The following TMC2 variants were observed in gnomAD, a reference collection of about 807,000 sequenced individuals.
TMC2 encodes the protein transmembrane channel like 2, also known as transmembrane channel-like protein 2.
Under a neutral mutation model 105.9 loss-of-function variants are expected in TMC2, and 102 were observed. That is an observed-to-expected ratio of 0.96 (90% CI 0.82 to 1.14). The LOEUF (loss-of-function observed/expected upper bound fraction) is 1.14, where lower values mean the gene tolerates loss of function less well. TMC2 is among the 50% of genes most tolerant of loss of function. The pLI, the probability that TMC2 is intolerant of heterozygous loss-of-function variation, is 0.00. For synonymous variants in TMC2, 402 were observed against 422.8 expected, an observed-to-expected ratio of 0.95 and a Z score of 0.60; for missense variants, 1,093 against 1,134.3, an observed-to-expected ratio of 0.96 and a Z score of 0.52.
chr20:2,551,057 G>T (rs1474933897), intron 2 of TMC2, among the ~76,000 whole-genome samples: 1 of 152,212 alleles, frequency 6.6e-6, no homozygotes, highest in East Asian at 1.9e-4. Context: ...GTAAGAAACT[G>T]CCATACTGTT....
chr20:2,545,560 G>A (rs1204212749), intron 2 of TMC2, among the ~76,000 whole-genome samples: 2 of 152,076 alleles, frequency 1.3e-5, no homozygotes, highest in Non-Finnish European at 2.9e-5. Flanking sequence ...TACTCCTATG[G>A]GATTGTCAAA....
chr20:2,597,138 G>A lies in TMC2; in HGVS notation c.1077-13G>A. 1 of 1,613,372 alleles carries A rather than the reference G, an allele frequency of 6.2e-7. No individual in the cohort carries two copies. The highest frequency in any genetic ancestry group is 8.5e-7 in the Non-Finnish European group (1 of 1,179,528). On this transcript the variant is annotated splice_polypyrimidine_tract_variant and intron_variant, in intron 9 of 19. Coordinates refer to ENST00000358864, the MANE Select transcript of TMC2 (RefSeq NM_080751.3). Reference sequence around the variant, plus strand: ...AGAGGGCAGACGTCACAACAGTGCTGTGTGCCCTACAGGATGGCCAGCAAT... The same window carrying A: ...AGAGGGCAGACGTCACAACAGTGCTATGTGCCCTACAGGATGGCCAGCAAT...
rs181129006 is a variant in TMC2 at position 2,548,145 on chromosome 20, G to A, written c.83-10311G>A. Among the ~76,000 whole-genome samples, 348 of 152,288 alleles carry A rather than the reference G, an allele frequency of 2.3e-3. 1 individual carries two copies. The highest frequency in any genetic ancestry group is 4.1e-3 in the Non-Finnish European group (282 of 68,030). ...TGTCACACATCAGCATTTTAGACTA[G>A]CAGAGCTCCTGAATGTACACAACAC... On this transcript the variant is annotated intron_variant, in intron 2 of 19. Coordinates refer to ENST00000358864, the MANE Select transcript of TMC2 (RefSeq NM_080751.3).
intron 11 of TMC2, 28 bp from the exon 12 acceptor site, chr20:2,610,391 C>A: frequency 6.3e-7 from 1 of 1,589,656 alleles, no homozygotes; most frequent in Non-Finnish European, 8.6e-7. Context: ...ATGTTGATGA[C>A]ACAACGTAGG....
intron 4 of TMC2, among the ~76,000 whole-genome samples, chr20:2,565,718 T>C (rs1227977813): frequency 1.3e-5 from 2 of 152,160 alleles, no homozygotes; most frequent in Non-Finnish European, 2.9e-5. Flanking sequence ...CTGGCTGACC[T>C]GAGCATGGTT....
At position 2,561,175 on chromosome 20, in the gene TMC2, A is replaced by T. The variant is rs2122832941; in HGVS notation, c.402-683A>T. On this transcript the variant is annotated intron_variant, in intron 3 of 19. Transcript: ENST00000358864. Reference sequence around the variant, plus strand: ...TTTGATTTGACTTTGAAGCCAAAACAGTTCTTCTACAAAAAGACAAACTAC... The same window carrying T: ...TTTGATTTGACTTTGAAGCCAAAACTGTTCTTCTACAAAAAGACAAACTAC... 2.0e-5 allele frequency among the ~76,000 whole-genome samples: 3 copies of T among 152,364 alleles called. No individual in the cohort carries two copies. The South Asian group carries it at 6.2e-4, about 32-fold the overall frequency.
intron 3 of TMC2, 47 bp from the exon 4 acceptor site, chr20:2,561,811 A>G: frequency 1.9e-6 from 3 of 1,588,982 alleles, no homozygotes; most frequent in Non-Finnish European, 2.6e-6. Flanking sequence ...TGAGGACACC[A>G]CCTCCTTTCC....
rs2085856842 is a variant in TMC2 at position 2,537,331 on chromosome 20, TG to T, written c.82+19del. ...TCCACACACAGGTGAGATGGGGTGG[TG>T]GGGTCTCTGGGGAGCCTGCAGTGCC... On this transcript the variant is annotated intron_variant, in intron 2 of 19. Transcript: ENST00000358864. 2 of 1,589,844 alleles carry T rather than the reference TG, an allele frequency of 1.3e-6. No individual in the cohort carries two copies. The highest frequency in any genetic ancestry group is 1.3e-5 in the African/African-American group (1 of 74,518).
intron 17 of TMC2, among the ~76,000 whole-genome samples, chr20:2,630,230 T>A (rs1159083934): frequency 6.6e-6 from 1 of 152,216 alleles, no homozygotes; most frequent in African/African-American, 2.4e-5. Flanking sequence ...CTTTTAGAGT[T>A]GTTCAAGTCT....
At chr20:2,549,070 G>A (rs2085941582) in intron 2 of TMC2, among the ~76,000 whole-genome samples, 1 of 151,934 alleles carries the variant, frequency 6.6e-6, no homozygotes, top group Non-Finnish European at 1.5e-5. Flanking sequence ...TGTGTTTTTT[G>A]GTTTTTTGGT....
intron 16 of TMC2, 143 bp from the exon 17 acceptor site, chr20:2,624,128 G>A: frequency 1.1e-6 from 1 of 934,590 alleles, no homozygotes. Context: ...TTTACTTGCA[G>A]TTCATTTGGA....
chr20:2,595,307 G>A (rs1377617176), intron 9 of TMC2, among the ~76,000 whole-genome samples: 1 of 152,204 alleles, frequency 6.6e-6, no homozygotes, highest in East Asian at 1.9e-4. Context: ...GGCCAGTGTG[G>A]CTTGAGAGGG....
At chr20:2,635,251 C>G (rs980831697) in intron 17 of TMC2, among the ~76,000 whole-genome samples, 1 of 152,162 alleles carries the variant, frequency 6.6e-6, no homozygotes, top group African/African-American at 2.4e-5. Context: ...ACTCTAAAAC[C>G]CATAAGGTCA....
At chr20:2,613,447 A>G in intron 14 of TMC2, 125 bp downstream of exon 14, 1 of 1,372,358 alleles carries the variant, frequency 7.3e-7, no homozygotes, top group Non-Finnish European at 1.0e-6. Context: ...TCTGCTCTGT[A>G]GAGTAGTAAA....
In TMC2 at chr20:2,616,165, G is replaced by A; in HGVS notation, c.1901G>A (p.Gly634Glu). 1 of 1,613,538 alleles carries A rather than the reference G, an allele frequency of 6.2e-7. No individual in the cohort carries two copies. The highest frequency in any genetic ancestry group is 8.5e-7 in the Non-Finnish European group (1 of 1,179,658). ...FPSYAEFDIS[G>E]NVLGLIFNQG... ...TCATATGCTGAGTTTGATATTAGTG[G>A]AAATGTGCTGGGTTTGATCTTCAAC... Residue 634 changes from glycine (G) to glutamate (E), a missense_variant, in exon 15 of 20, where the codon GGA becomes GAA. Physicochemically the swap from Gly to Glu is moderately conservative, Grantham distance 98. Coordinates refer to ENST00000358864, the MANE Select transcript of TMC2 (RefSeq NM_080751.3). This position sits in a 1 kb window ranked among gnomAD's most constrained non-coding sequence, Gnocchi z 4.8.
At chr20:2,577,904 G>A (rs908289374) in intron 5 of TMC2, among the ~76,000 whole-genome samples, 1 of 150,934 alleles carries the variant, frequency 6.6e-6, no homozygotes, top group Non-Finnish European at 1.5e-5. Context: ...GAAAAGAAAC[G>A]TTTCCCTTTC....
At chr20:2,608,303 A>ATTTT (rs1383784022) in intron 11 of TMC2, among the ~76,000 whole-genome samples, 10 of 107,660 alleles carry the variant, frequency 9.3e-5, no homozygotes, top group African/African-American at 3.7e-4. Context: ...ATTTTTATTT[A>ATTTT]TTATTATTAT....
Position 2,597,221 on chromosome 20 carries a change from T to C in TMC2, c.1147T>C (p.Phe383Leu), listed in dbSNP as rs1283083093. 1.9e-6 allele frequency: 3 copies of C among 1,613,982 alleles called. No individual in the cohort carries two copies. Among genetic ancestry groups the C allele is most frequent in the Non-Finnish European group, 2.5e-6 (3 of 1,179,996 alleles). The change falls in exon 10 of 20, where the codon TTC (phenylalanine) becomes CTC (leucine). Residue 383 changes from phenylalanine to leucine, a missense_variant. Transcript: ENST00000358864. ...CAACTTCACATTCAGCTTCAAGATGTTCACCAGCTGGGACTACCTGATCGG... is the reference window on the plus strand; with the variant it reads ...CAACTTCACATTCAGCTTCAAGATGCTCACCAGCTGGGACTACCTGATCGG... ...SDNFTFSFKM[F>L]TSWDYLIGNS...
At chr20:2,573,358 G>C (rs1253452440) in intron 5 of TMC2, among the ~76,000 whole-genome samples, 1 of 151,898 alleles carries the variant, frequency 6.6e-6, no homozygotes, top group Non-Finnish European at 1.5e-5. Flanking sequence ...AGCAAAGTTT[G>C]TCATTTTCTC....
Sources: allele counts gnomAD v4.1 joint callset (sites outside exome capture counted in the v4.1 genomes callset), GRCh38; gene constraint gnomAD v4.1.1; non-coding constraint Gnocchi (gnomAD v3.1); transcripts MANE v1.5; gene names NCBI Gene and HGNC (gene_info 2026-07-23, HGNC 2026-07-21).